Variants in SREBF2 observed in about 807,000 individuals in gnomAD.
The protein encoded by SREBF2 is sterol regulatory element binding transcription factor 2.
SREBF2 carries 55 observed loss-of-function variants against 113.1 expected under a neutral mutation model. That is an observed-to-expected ratio of 0.49 (90% confidence interval 0.39 to 0.61). The LOEUF (loss-of-function observed/expected upper bound fraction) is 0.61. SREBF2 is among the 20% of genes least tolerant of loss of function. SREBF2 has a pLI of 0.00. For synonymous variants in SREBF2, 593 were observed against 605.7 expected (o/e 0.98, Z 0.31); for missense variants, 1,349 against 1,487.4 (o/e 0.91, Z 1.53).
chr22:41,896,308 TGA>T (rs919565324), intron 13 of SREBF2, among the ~76,000 whole-genome samples: 1 of 152,154 alleles, frequency 6.6e-6, no homozygotes, highest in African/African-American at 2.4e-5. Context: ...GAGTAAGACC[TGA>T]GAGGCAGATA....
chr22:41,900,131 G>A, intron 15 of SREBF2, 199 bp from the exon 16 acceptor site: 3 of 1,474,852 alleles, frequency 2.0e-6, no homozygotes. Flanking sequence ...AGGTGCTAAA[G>A]GGTGGGGCGC....
At position 41,906,444 on chromosome 22, in the gene SREBF2, A is replaced by G. The variant is rs2146567742; in HGVS notation, c.*784A>G. ...CTCAGGGTAGGCCCAGGGGGCTGGG[A>G]GAAATGAAGCCACCCATGGGGACTG... On this transcript the variant is annotated 3_prime_UTR_variant, in exon 19 of 19. Transcript: ENST00000361204. 1 of 168,902 alleles carries G rather than the reference A, an allele frequency of 5.9e-6. No individual in the cohort carries two copies. The highest frequency in any genetic ancestry group is 1.4e-4 in the South Asian group (1 of 7,012). 10.5% of individuals were successfully genotyped at this position (168,902 alleles called of 1,614,324 possible).
intron 10 of SREBF2, among the ~76,000 whole-genome samples, chr22:41,883,590 A>G (rs774902603): frequency 5.9e-5 from 9 of 152,024 alleles, no homozygotes; most frequent in African/African-American, 2.2e-4. Context: ...TTCCATACTC[A>G]CTGGCATTCC....
chr22:41,840,248 G>A (rs976161847), intron 1 of SREBF2, among the ~76,000 whole-genome samples: 3 of 152,168 alleles, frequency 2.0e-5, no homozygotes, highest in Admixed American at 1.3e-4. Context: ...GTGAGCCACC[G>A]CGCCCGGCCC....
chr22:41,881,426 G>T (rs1229069232), intron 10 of SREBF2, among the ~76,000 whole-genome samples: 1 of 152,240 alleles, frequency 6.6e-6, no homozygotes, highest in East Asian at 1.9e-4. Flanking sequence ...GTTAGACTTA[G>T]CAGAAGGAAC....
At chr22:41,868,962 A>G (rs1424357863) in intron 3 of SREBF2, among the ~76,000 whole-genome samples, 170 bp downstream of exon 3, 1 of 152,224 alleles carries the variant, frequency 6.6e-6, no homozygotes, top group African/African-American at 2.4e-5. Flanking sequence ...CTGAGTCCAT[A>G]TCTGTAGATA....
At position 41,839,746 on chromosome 22, in the gene SREBF2, C is replaced by T. The variant is rs117365943; in HGVS notation, c.88+6388C>T. 4.0e-4 allele frequency among the ~76,000 whole-genome samples: 61 copies of T among 152,158 alleles called. 2 individuals are homozygous for T. The East Asian group carries it at 8.1e-3, about 20-fold the overall frequency. On this transcript the variant is annotated intron_variant, in intron 1 of 18. Coordinates refer to ENST00000361204, the MANE Select transcript of SREBF2 (RefSeq NM_004599.4). ...GTAGTGTTCCATTGCATGGACACACCGCATTCTGTTTTATCTACTCTTCAG... is the reference window on the plus strand; with the variant it reads ...GTAGTGTTCCATTGCATGGACACACTGCATTCTGTTTTATCTACTCTTCAG...
intron 1 of SREBF2, among the ~76,000 whole-genome samples, chr22:41,839,737 T>C (rs1040659003): frequency 1.3e-5 from 2 of 152,204 alleles, no homozygotes; most frequent in Admixed American, 1.3e-4. Flanking sequence ...TTCCATTGCA[T>C]GGACACACCG....
chr22:41,891,339 A>G (rs2077360498), intron 11 of SREBF2: 1 of 152,160 alleles, frequency 6.6e-6, no homozygotes, highest in South Asian at 2.1e-4. Flanking sequence ...TCCAGTATCA[A>G]CACTGGTTAC....
intron 1 of SREBF2, 101 bp from the exon 2 acceptor site, chr22:41,866,730 C>A: frequency 7.2e-7 from 1 of 1,385,186 alleles, no homozygotes; most frequent in Non-Finnish European, 1.0e-6. Context: ...CTGCCATGGT[C>A]TTAGGAAAGT....
chr22:41,905,143 T>C (rs1008042654), intron 18 of SREBF2, among the ~76,000 whole-genome samples, 169 bp downstream of exon 18: 7 of 152,136 alleles, frequency 4.6e-5, no homozygotes, highest in African/African-American at 1.7e-4. Flanking sequence ...TTGCAGGGGT[T>C]GGGGTGGTCA....
At chr22:41,888,350 A>T (rs2077319329) in intron 11 of SREBF2, among the ~76,000 whole-genome samples, 1 of 152,216 alleles carries the variant, frequency 6.6e-6, no homozygotes. Flanking sequence ...GTTTTTCTCC[A>T]TAAGGATATC....
Position 41,893,114 on chromosome 22 carries a change from C to A in SREBF2, c.2209-3C>A. The A allele has an allele frequency of 6.2e-7, 1 of 1,613,208 alleles. No homozygotes were observed. Among genetic ancestry groups the A allele is most frequent in the Non-Finnish European group, 8.5e-7 (1 of 1,180,034 alleles). On this transcript the variant is annotated splice_region_variant and splice_polypyrimidine_tract_variant and intron_variant, in intron 11 of 18. Transcript: ENST00000361204. ...GTTACCCCTGGTCCTTGTCCTTCCA[C>A]AGAGCTACTTCCTCAGCCGAGCCCA...
chr22:41,848,191 G>A (rs1175093735), intron 1 of SREBF2, among the ~76,000 whole-genome samples: 2 of 152,032 alleles, frequency 1.3e-5, no homozygotes, highest in Admixed American at 6.5e-5. Flanking sequence ...GTGCTGGTGC[G>A]CTGTACCCAC....
chr22:41,842,216 A>G (rs746936512), intron 1 of SREBF2, among the ~76,000 whole-genome samples: 1 of 152,214 alleles, frequency 6.6e-6, no homozygotes, highest in Non-Finnish European at 1.5e-5. Flanking sequence ...GGCCCTACCC[A>G]CTATCTGCGT....
At chr22:41,841,476 C>T (rs73163378) in intron 1 of SREBF2, among the ~76,000 whole-genome samples, 4 of 152,110 alleles carry the variant, frequency 2.6e-5, no homozygotes, top group Non-Finnish European at 5.9e-5. Flanking sequence ...TTGGGTTTCT[C>T]CTCCCTCCTC....
rs1436578331 is a variant in SREBF2, at chr22:41,905,669, C to T, written c.*9C>T. 2 of 1,564,704 alleles carry T rather than the reference C, an allele frequency of 1.3e-6. No homozygotes were observed. Among genetic ancestry groups the T allele is most frequent in the South Asian group, 1.2e-5 (1 of 85,096 alleles). ...CCATTGCCGCCTCCTGACCACCAGGCTCAGCCCACCCCTCCACCTCTCTCT... is the reference window on the plus strand; with the variant it reads ...CCATTGCCGCCTCCTGACCACCAGGTTCAGCCCACCCCTCCACCTCTCTCT... On this transcript the variant is annotated 3_prime_UTR_variant, in exon 19 of 19. Coordinates refer to ENST00000361204, the MANE Select transcript of SREBF2 (RefSeq NM_004599.4).
At chr22:41,894,734 G>T in intron 12 of SREBF2, 86 bp from the exon 13 acceptor site, 1 of 1,119,594 alleles carries the variant, frequency 8.9e-7, no homozygotes, top group South Asian at 1.2e-5. Flanking sequence ...CACAAGGCAT[G>T]GCTGTGTTTG....
intron 10 of SREBF2, among the ~76,000 whole-genome samples, chr22:41,884,156 G>T (rs1453697223): frequency 6.6e-6 from 1 of 152,100 alleles, no homozygotes; most frequent in South Asian, 2.1e-4. Flanking sequence ...TTTTTTGGGG[G>T]ACAGAGTCTC....
Sources: gnomAD v4.1 joint callset for allele counts (sites outside exome capture counted in the v4.1 genomes callset) on GRCh38, gnomAD v4.1.1 for gene constraint, MANE v1.5 for transcripts, NCBI Gene and HGNC (gene_info 2026-07-23, HGNC 2026-07-21) for gene names.